CHL1: variants seen among roughly 807,000 people sequenced by gnomAD.
CHL1 encodes the protein neural cell adhesion molecule L1-like protein.
A neutral mutation model predicts 141.9 loss-of-function variants in CHL1; 96 were observed. The ratio of observed to expected loss-of-function variants is 0.68; its 90% CI spans 0.57 to 0.80. The LOEUF is 0.80. Ranked by LOEUF, CHL1 falls within the 30% of genes least tolerant of loss-of-function variation. The pLI is 0.00. For synonymous variants in CHL1, 613 were observed against 502.2 expected, an observed-to-expected ratio of 1.22 and a Z score of -2.95; for missense variants, 1,820 against 1,457.2, an observed-to-expected ratio of 1.25 and a Z score of -4.05.
intron 3 of CHL1, among the ~76,000 whole-genome samples, chr3:323,826 C>G (rs1313862278): frequency 6.6e-6 from 1 of 152,078 alleles, no homozygotes; most frequent in African/African-American, 2.4e-5. Context: ...GATCCTGCCA[C>G]TGCACTGCAG....
intron 15 of CHL1, among the ~76,000 whole-genome samples, chr3:371,720 G>A (rs530420020): frequency 6.6e-6 from 1 of 152,038 alleles, no homozygotes; most frequent in Non-Finnish European, 1.5e-5. Context: ...TTATATTTTG[G>A]TGTGTTTTTG....
intron 25 of CHL1, 130 bp from the exon 26 acceptor site, chr3:398,887 C>T: frequency 1.4e-6 from 1 of 714,072 alleles, no homozygotes; most frequent in Non-Finnish European, 2.3e-6. Flanking sequence ...AAATTGCATT[C>T]CTTCTGGGGT....
intron 19 of CHL1, among the ~76,000 whole-genome samples, chr3:384,979 T>A (rs897066244): frequency 8.5e-5 from 13 of 152,340 alleles, no homozygotes; most frequent in African/African-American, 1.4e-4. Context: ...GAAATTAAGT[T>A]TTACAAGTTT....
intron 3 of CHL1, among the ~76,000 whole-genome samples, chr3:321,247 TA>T (rs1317608178): frequency 1.3e-5 from 2 of 152,070 alleles, no homozygotes; most frequent in Admixed American, 1.3e-4. Context: ...TTTTAACAGA[TA>T]AGTAAGCTCT....
chr3:232,466 T>G (rs1384979499), intron 1 of CHL1, among the ~76,000 whole-genome samples: 1 of 152,188 alleles, frequency 6.6e-6, no homozygotes, highest in Non-Finnish European at 1.5e-5. Context: ...ATAGCCTACT[T>G]TATTTTTTGA....
chr3:367,439 T>G (rs550781630), intron 15 of CHL1, among the ~76,000 whole-genome samples: 12 of 152,236 alleles, frequency 7.9e-5, no homozygotes, highest in Non-Finnish European at 1.8e-4. Context: ...TTAGACAAGC[T>G]GCTTAACATC....
At chr3:210,401 A>G (rs1699810239) in intron 1 of CHL1, among the ~76,000 whole-genome samples, 1 of 152,212 alleles carries the variant, frequency 6.6e-6, no homozygotes, top group South Asian at 2.1e-4. Context: ...GTGGTATCTC[A>G]GAGAGTGGCT....
rs747262774 is a variant in CHL1 at position 377,912 on chromosome 3, G to A, written c.1846G>A (p.Ala616Thr). 3.1e-6 allele frequency: 5 copies of A among 1,610,830 alleles called. No homozygotes were observed. Among genetic ancestry groups the A allele is most frequent in the African/African-American group, 1.3e-5 (1 of 74,786 alleles). ...CCSAHTALDSAADITQVTVLD... is the reference protein window; with the variant it reads ...CCSAHTALDSTADITQVTVLD... ...TTCAGCTCATACTGCTCTAGACAGT[G>A]CTGCCGATATAACTCAAGTAACTGT... The change falls in exon 16 of 28, where the codon GCT becomes ACT. Residue 616 changes from alanine to threonine, a missense_variant. Ala to Thr is a moderately conservative substitution (Grantham distance 58). Coordinates refer to ENST00000256509, the MANE Select transcript of CHL1 (RefSeq NM_006614.4).
chr3:390,563 A>C (rs886940417), intron 20 of CHL1, 138 bp from the exon 21 acceptor site: 3 of 606,674 alleles, frequency 4.9e-6, no homozygotes, highest in Admixed American at 5.7e-5. Flanking sequence ...CTATCATGAG[A>C]AACTCTTTTG....
chr3:290,293 G>T (rs1028210471), intron 2 of CHL1, among the ~76,000 whole-genome samples: 2 of 152,146 alleles, frequency 1.3e-5, no homozygotes, highest in Admixed American at 6.5e-5. Context: ...TGTGTAGGGG[G>T]TAACTCAAAT....
intron 15 of CHL1, among the ~76,000 whole-genome samples, chr3:374,713 G>C (rs551413970): frequency 4.6e-5 from 7 of 152,314 alleles, no homozygotes; most frequent in Non-Finnish European, 7.3e-5. Context: ...GGAAGCCTGG[G>C]AGTAACTGCT....
At chr3:392,133 GT>G (rs554022127) in intron 23 of CHL1, among the ~76,000 whole-genome samples, 144 of 152,294 alleles carry the variant, frequency 9.5e-4, no homozygotes, top group Admixed American at 4.9e-3. Context: ...TTAATGAAAG[GT>G]TTGCTTACCT....
At chr3:357,440 T>A (rs1703819138) in intron 11 of CHL1, among the ~76,000 whole-genome samples, 1 of 152,230 alleles carries the variant, frequency 6.6e-6, no homozygotes, top group Non-Finnish European at 1.5e-5. Context: ...CGTAGCAGCT[T>A]GAAAAATAGA....
chr3:372,628 C>T (rs1344827795), intron 15 of CHL1, among the ~76,000 whole-genome samples: 3 of 152,146 alleles, frequency 2.0e-5, no homozygotes, highest in Non-Finnish European at 4.4e-5. Context: ...CTGCCTCATC[C>T]TCCATCCAGT....
Position 394,854 on chromosome 3 carries a change from T to A in CHL1, c.3076T>A (p.Ser1026Thr). The A allele has an allele frequency of 2.5e-6, 4 of 1,612,482 alleles. No individual in the cohort carries two copies. The highest frequency in any genetic ancestry group is 3.4e-6 in the Non-Finnish European group (4 of 1,179,466). Residue 1026 changes from serine to threonine, a missense_variant, in exon 24 of 28, where the codon TCC becomes ACC. Ser to Thr is a moderately conservative substitution (Grantham distance 58). Transcript: ENST00000256509. ...TGGAAAACCGATCACGGAGGAAAGC[T>A]CCACCTTAGGAGAAGGGAGTAAGTA... ...GCGKPITEES[S>T]TLGEGSKGIG... is the part of the protein sequence containing the mutation.
At chr3:397,824 A>G (rs1422203278) in intron 24 of CHL1, among the ~76,000 whole-genome samples, 1 of 152,088 alleles carries the variant, frequency 6.6e-6, no homozygotes, top group Non-Finnish European at 1.5e-5. Flanking sequence ...AAGCAAAAAA[A>G]AGCAATATAT....
At position 326,057 on chromosome 3, in the gene CHL1, G is replaced by A. The variant is rs1700984236; in HGVS notation, c.190G>A (p.Glu64Lys). The part of the protein sequence containing the change: ...QIECEAKGNP[E>K]PTFSWTKDGN... ...TGAATGTGAAGCTAAAGGAAATCCA[G>A]AACCAACGTGAGTATTGTTTCAAAC... Residue 64 changes from glutamate to lysine, a missense_variant, in exon 4 of 28, where the codon GAA becomes AAA. Glu to Lys is a moderately conservative substitution (Grantham distance 56). Coordinates refer to ENST00000256509, the MANE Select transcript of CHL1 (RefSeq NM_006614.4). The A allele has an allele frequency of 1.2e-6, 2 of 1,601,462 alleles. No homozygotes were observed. The highest frequency in any genetic ancestry group is 2.7e-5 in the African/African-American group (2 of 74,572).
intron 2 of CHL1, among the ~76,000 whole-genome samples, chr3:259,097 CT>C (rs958563305): frequency 3.3e-5 from 5 of 151,620 alleles, no homozygotes; most frequent in East Asian, 3.9e-4. Flanking sequence ...CCATGCATGT[CT>C]TTTTTTTAGA....
chr3:291,065 T>C lies in CHL1; in HGVS notation c.-94-28618T>C, dbSNP rs111523701. Among the ~76,000 whole-genome samples, 665 of 152,260 alleles carry C rather than the reference T, an allele frequency of 4.4e-3. 2 individuals carry two copies. Among genetic ancestry groups the C allele is most frequent in the African/African-American group, 0.015 (643 of 41,582 alleles). On this transcript the variant is annotated intron_variant, in intron 2 of 27. Coordinates refer to ENST00000256509, the MANE Select transcript of CHL1 (RefSeq NM_006614.4). Reference sequence around the variant, plus strand: ...AAATTAATTTATAAATAATATTGTATAGTTCAAAACATTAATATAGGACTT... The same window carrying C: ...AAATTAATTTATAAATAATATTGTACAGTTCAAAACATTAATATAGGACTT...
Sources: allele counts gnomAD v4.1 joint callset (sites outside exome capture counted in the v4.1 genomes callset), GRCh38; gene constraint gnomAD v4.1.1; transcripts MANE v1.5; gene names NCBI Gene and HGNC (gene_info 2026-07-23, HGNC 2026-07-21).